Variants in CTSH observed in about 807,000 individuals in gnomAD.
CTSH encodes pro-cathepsin H.
CTSH carries 52 observed loss-of-function variants against 56.3 expected under a neutral mutation model. The ratio of observed to expected loss-of-function variants is 0.92; its 90% CI spans 0.74 to 1.16. The LOEUF is 1.16. CTSH is among the 50% of genes most tolerant of loss of function. The probability of loss-of-function intolerance (pLI) is 0.00; values close to 1 mark genes in which losing one functional copy is unlikely to be tolerated. For synonymous variants in CTSH, 174 were observed against 155.7 expected (o/e 1.12, Z -0.88); for missense variants, 406 against 424.5 (o/e 0.96, Z 0.38).
At chr15:78,924,761 C>T (rs1465421110) in intron 10 of CTSH, among the ~76,000 whole-genome samples, 1 of 150,832 alleles carries the variant, frequency 6.6e-6, no homozygotes, top group Non-Finnish European at 1.5e-5. Flanking sequence ...ACGATCTTGG[C>T]TTAGTGCTAC....
intron 1 of CTSH, among the ~76,000 whole-genome samples, chr15:78,941,693 G>A (rs940360663): frequency 6.6e-6 from 1 of 151,776 alleles, no homozygotes; most frequent in African/African-American, 2.4e-5. Context: ...CTACTCAGGA[G>A]GCTGAGGCAG....
Position 78,929,923 on chromosome 15 carries a change from G to A in CTSH, c.549-430C>T, listed in dbSNP as rs546859529. On this transcript the variant is annotated intron_variant, in intron 7 of 11. Coordinates refer to ENST00000220166, the MANE Select transcript of CTSH (RefSeq NM_004390.5). ...AAAGAGGCTGAATAACCTGGCCAGG[G>A]CCACACAGCTAAAGCTGGGAAGTGG... Among the ~76,000 whole-genome samples the A allele has an allele frequency of 3.2e-4, 48 of 152,310 alleles. 1 individual carries two copies. The East Asian group carries it at 8.5e-3, about 27-fold the overall frequency.
intron 1 of CTSH, 21 bp downstream of exon 1, chr15:78,944,870 G>A: frequency 6.5e-7 from 1 of 1,544,084 alleles, no homozygotes; most frequent in Non-Finnish European, 8.7e-7. Context: ...CACCCTCTCG[G>A]GCGGCGCGCC....
At chr15:78,932,131 C>A in intron 6 of CTSH, 1 of 1,148,342 alleles carries the variant, frequency 8.7e-7, no homozygotes, top group Non-Finnish European at 1.2e-6. Flanking sequence ...GGCTGTCAAG[C>A]TAAGGACCAC....
intron 8 of CTSH, among the ~76,000 whole-genome samples, chr15:78,928,091 G>A (rs2054953062): frequency 6.6e-6 from 1 of 152,160 alleles, no homozygotes; most frequent in Non-Finnish European, 1.5e-5. Context: ...CAGGGGAGTG[G>A]GGACAGTCTC....
At chr15:78,937,819 G>C (rs530167817) in intron 2 of CTSH, 1 of 1,289,588 alleles carries the variant, frequency 7.8e-7, no homozygotes, top group African/African-American at 1.5e-5. Flanking sequence ...GTGTGCTTTG[G>C]TTTTCTAAAA....
In CTSH at chr15:78,929,445, G is replaced by A; in HGVS notation, c.597C>T (p.Ile199=). 11 of 1,612,574 alleles carry A rather than the reference G, an allele frequency of 6.8e-6. No individual in the cohort carries two copies. Among genetic ancestry groups the A allele is most frequent in the Non-Finnish European group, 8.5e-6 (10 of 1,179,166 alleles). ...AFEYILYNKG[I]MGEDTYPYQG... ...GGTAGGGGTAGGTGTCTTCACCCATGATCCCCTTGTTGTACAGGATATACT... is the reference window on the plus strand; with the variant it reads ...GGTAGGGGTAGGTGTCTTCACCCATAATCCCCTTGTTGTACAGGATATACT... The change falls in exon 8 of 12, where the codon ATC becomes ATT. Residue 199 remains isoleucine, a synonymous_variant. Transcript: ENST00000220166.
intron 10 of CTSH, among the ~76,000 whole-genome samples, chr15:78,924,530 C>G (rs2054859114): frequency 6.6e-6 from 1 of 152,028 alleles, no homozygotes; most frequent in Admixed American, 6.5e-5. Context: ...GGCTGCAAAC[C>G]AGGCAGGCGA....
intron 5 of CTSH, chr15:78,933,623 T>C: frequency 2.3e-6 from 1 of 426,946 alleles, no homozygotes; most frequent in South Asian, 1.7e-5. Flanking sequence ...ACGTGGCCAC[T>C]TCGGGGGAGA....
At chr15:78,929,855 CTCG>C (rs1171285436) in intron 7 of CTSH, among the ~76,000 whole-genome samples, 2 of 152,198 alleles carry the variant, frequency 1.3e-5, no homozygotes, top group Non-Finnish European at 2.9e-5. Flanking sequence ...TCCCTGACCC[CTCG>C]TGTCGACCCT....
At chr15:78,938,220 T>C (rs1038565614) in intron 2 of CTSH, among the ~76,000 whole-genome samples, 1 of 152,144 alleles carries the variant, frequency 6.6e-6, no homozygotes, top group Non-Finnish European at 1.5e-5. Flanking sequence ...AATACAAAAA[T>C]TAGCCGGGCA....
chr15:78,935,675 C>G lies in CTSH; in HGVS notation c.300+5G>C. 1 of 1,606,952 alleles carries G rather than the reference C, an allele frequency of 6.2e-7. No individual in the cohort carries two copies. Among genetic ancestry groups the G allele is most frequent in the Non-Finnish European group, 8.5e-7 (1 of 1,174,574 alleles). The stretch of plus-strand genomic sequence containing the variant: ...TCAGATTTGGTTGCAATGAATTATA[C>G]CTACCTGAGGCTCTGACCAGAGATA... On this transcript the variant is annotated splice_donor_5th_base_variant and intron_variant, in intron 4 of 11. Coordinates refer to ENST00000220166, the MANE Select transcript of CTSH (RefSeq NM_004390.5).
At chr15:78,944,715 AC>A (rs2055359149) in intron 1 of CTSH, 175 bp downstream of exon 1, 7 of 1,225,202 alleles carry the variant, frequency 5.7e-6, no homozygotes, top group Non-Finnish European at 7.4e-6. Context: ...CCCTCCGAGA[AC>A]CCCCGCCTAT....
chr15:78,935,109 A>G, intron 4 of CTSH, 27 bp from the exon 5 acceptor site: 2 of 1,514,874 alleles, frequency 1.3e-6, no homozygotes, highest in Non-Finnish European at 1.8e-6. Flanking sequence ...CATTATTTTC[A>G]GGAAAATAAA....
intron 1 of CTSH, among the ~76,000 whole-genome samples, chr15:78,942,005 T>C (rs1205241851): frequency 6.6e-6 from 1 of 152,172 alleles, no homozygotes; most frequent in Non-Finnish European, 1.5e-5. Context: ...CATGAGTGAA[T>C]ATTGTTTGGT....
intron 10 of CTSH, among the ~76,000 whole-genome samples, chr15:78,924,077 TG>T (rs542207009): frequency 8.3e-5 from 3 of 36,322 alleles, no homozygotes; most frequent in Non-Finnish European, 1.5e-4. Flanking sequence ...CCCCAGGAGG[TG>T]GGGGGGATCC....
intron 1 of CTSH, 71 bp downstream of exon 1, chr15:78,944,820 C>G (rs1567386346): frequency 3.4e-6 from 5 of 1,486,024 alleles, no homozygotes; most frequent in Non-Finnish European, 4.5e-6. Context: ...CAGTGCGCCC[C>G]TGGCCAAGTT....
At position 78,921,689 on chromosome 15, in the gene CTSH, C is replaced by G. The variant is rs922621323; in HGVS notation, c.*441G>C. 2 of 157,362 alleles carry G rather than the reference C, an allele frequency of 1.3e-5. No individual in the cohort carries two copies. Among genetic ancestry groups the G allele is most frequent in the African/African-American group, 2.4e-5 (1 of 41,584 alleles). 9.7% of individuals were successfully genotyped at this position (157,362 alleles called of 1,614,324 possible). A position where few individuals can be genotyped will look rare whatever the true frequency, so the allele number is the denominator to read the frequency against. On this transcript the variant is annotated 3_prime_UTR_variant, in exon 12 of 12. Coordinates refer to ENST00000220166, the MANE Select transcript of CTSH (RefSeq NM_004390.5). Reference sequence around the variant, plus strand: ...ATCCTCCCAGCCAGAGCCTGGACACCCCCTGATGCCTCCCTCCTGGGAGAC... The same window carrying G: ...ATCCTCCCAGCCAGAGCCTGGACACGCCCTGATGCCTCCCTCCTGGGAGAC...
At chr15:78,943,999 T>G (rs1006967096) in intron 1 of CTSH, among the ~76,000 whole-genome samples, 1 of 152,094 alleles carries the variant, frequency 6.6e-6, no homozygotes, top group Non-Finnish European at 1.5e-5. Flanking sequence ...TCAGCCTCAG[T>G]GATCTCTGTC....
Sources: allele counts gnomAD v4.1 joint callset (sites outside exome capture counted in the v4.1 genomes callset), GRCh38; gene constraint gnomAD v4.1.1; transcripts MANE v1.5; gene names NCBI Gene and HGNC (gene_info 2026-07-23, HGNC 2026-07-21).